ANO2: variants seen among roughly 807,000 people sequenced by gnomAD.
ANO2 encodes anoctamin 2, also known as anoctamin-2.
In ANO2, 101 loss-of-function variants were observed where a neutral mutation model predicts 124.2. That is an observed-to-expected ratio of 0.81 (90% CI 0.69 to 0.96). The LOEUF (loss-of-function observed/expected upper bound fraction) is 0.96. Ranked by LOEUF, ANO2 falls within the 40% of genes least tolerant of loss-of-function variation. The probability of loss-of-function intolerance (pLI) is 0.00; values close to 1 mark genes in which losing one functional copy is unlikely to be tolerated. For missense variants in ANO2, 1,293 were observed against 1,274.5 expected, an observed-to-expected ratio of 1.01 and a Z score of -0.22; for synonymous variants, 486 against 482.5, an observed-to-expected ratio of 1.01 and a Z score of -0.09.
At chr12:5,603,944 CAAAAAA>C (rs63415160) in intron 19 of ANO2, among the ~76,000 whole-genome samples, 3 of 74,148 alleles carry the variant, frequency 4.0e-5, no homozygotes, top group Admixed American at 1.7e-4. Flanking sequence ...GATTCCGTCT[CAAAAAA>C]AAAAAAAAAA....
chr12:5,609,445 G>C (rs1235836413), intron 19 of ANO2, among the ~76,000 whole-genome samples: 1 of 152,062 alleles, frequency 6.6e-6, no homozygotes, highest in African/African-American at 2.4e-5. Flanking sequence ...GTGTTAGAAG[G>C]GAATGTTGTG....
At chr12:5,745,172 G>T (rs1349926346) in intron 11 of ANO2, among the ~76,000 whole-genome samples, 2 of 152,154 alleles carry the variant, frequency 1.3e-5, no homozygotes, top group African/African-American at 4.8e-5. Context: ...TGAATGCTTG[G>T]AAATAAGAAC....
chr12:5,760,335 T>C lies in ANO2; in HGVS notation c.1056-9365A>G, dbSNP rs142672692. 3.5e-3 allele frequency among the ~76,000 whole-genome samples: 536 copies of C among 152,302 alleles called. 7 individuals are homozygous for C. Among genetic ancestry groups the C allele is most frequent in the African/African-American group, 0.012 (512 of 41,576 alleles). ...ATGCAATCTACCAAGGAGCAATATATTTCATTTCTCAAAAGCCTGTGAGAT... is the reference window on the plus strand; with the variant it reads ...ATGCAATCTACCAAGGAGCAATATACTTCATTTCTCAAAAGCCTGTGAGAT... On this transcript the variant is annotated intron_variant, in intron 10 of 24. Transcript: ENST00000682330.
intron 1 of ANO2, among the ~76,000 whole-genome samples, chr12:5,927,882 G>T (rs1222872969): frequency 6.6e-6 from 1 of 152,156 alleles, no homozygotes; most frequent in Admixed American, 6.5e-5. Context: ...TCACTGCATA[G>T]GCCGAGAGCT....
intron 20 of ANO2, among the ~76,000 whole-genome samples, chr12:5,581,742 G>T (rs922574721): frequency 7.9e-5 from 12 of 152,150 alleles, no homozygotes. Context: ...GGCCTCAAGA[G>T]ACTGGGCTCA....
chr12:5,584,357 C>T (rs1316321219), intron 20 of ANO2, among the ~76,000 whole-genome samples: 1 of 152,152 alleles, frequency 6.6e-6, no homozygotes, highest in Non-Finnish European at 1.5e-5. Context: ...AAACTCACAC[C>T]CAGCTTCCTT....
chr12:5,858,803 T>C (rs1184177027), intron 3 of ANO2: 1 of 152,218 alleles, frequency 6.6e-6, no homozygotes, highest in African/African-American at 2.4e-5. Flanking sequence ...TGAAACTTCT[T>C]CTGTATTCTT....
intron 14 of ANO2, among the ~76,000 whole-genome samples, chr12:5,661,856 C>T (rs1947460183): frequency 6.6e-6 from 1 of 152,204 alleles, no homozygotes; most frequent in Admixed American, 6.5e-5. Context: ...TGCTCCAGGG[C>T]CTGTATTCCT....
chr12:5,759,170 CA>C (rs200710911), intron 10 of ANO2, among the ~76,000 whole-genome samples: 2,315 of 137,366 alleles, frequency 0.017, 58 homozygotes, highest in African/African-American at 0.053. Flanking sequence ...AAAAAAACAA[CA>C]AAACACAAAT....
At chr12:5,564,040 C>T (rs1300718446) in intron 24 of ANO2, among the ~76,000 whole-genome samples, 1 of 152,218 alleles carries the variant, frequency 6.6e-6, no homozygotes, top group African/African-American at 2.4e-5. Context: ...TTCCTCTCCT[C>T]CCTCCATCTG....
chr12:5,761,028 C>T (rs866766226), intron 10 of ANO2, among the ~76,000 whole-genome samples: 6 of 141,302 alleles, frequency 4.2e-5, no homozygotes, highest in Middle Eastern at 3.6e-3. Flanking sequence ...TCATCAGCTC[C>T]AGGACGTCCC....
chr12:5,946,211 A>C, upstream of ANO2: 1 of 1,608,570 alleles, frequency 6.2e-7, no homozygotes, highest in East Asian at 2.2e-5. The surrounding 1 kb of genome is among the most constrained non-coding windows in gnomAD (Gnocchi z 4.1). Flanking sequence ...GATAGATCCC[A>C]CTTTATAGAG....
intron 1 of ANO2, among the ~76,000 whole-genome samples, chr12:5,940,897 C>T (rs6489677): frequency 0.4 from 61,260 of 151,926 alleles, 13,272 homozygotes; most frequent in East Asian, 0.79. Flanking sequence ...AGCCTATCCA[C>T]CCAAGGAAAT....
chr12:5,855,380 C>A (rs1955067012), intron 3 of ANO2, among the ~76,000 whole-genome samples: 1 of 152,152 alleles, frequency 6.6e-6, no homozygotes, highest in East Asian at 1.9e-4. Flanking sequence ...TATTTTATGG[C>A]ACTTATTAAT....
intron 1 of ANO2, among the ~76,000 whole-genome samples, chr12:5,932,167 GT>G (rs1942429126): frequency 1.3e-5 from 2 of 149,366 alleles, no homozygotes; most frequent in Admixed American, 6.6e-5. Context: ...AGGCAGACGA[GT>G]AAGGAAAGAA....
chr12:5,772,847 T>A (rs1952122480), intron 10 of ANO2, among the ~76,000 whole-genome samples: 1 of 152,240 alleles, frequency 6.6e-6, no homozygotes. Context: ...ATAATATGGA[T>A]GTTAATAGCC....
At chr12:5,939,523 T>C (rs1246362812) in intron 1 of ANO2, among the ~76,000 whole-genome samples, 1 of 152,160 alleles carries the variant, frequency 6.6e-6, no homozygotes, top group African/African-American at 2.4e-5. Context: ...TCTGTTAGGT[T>C]GGTGGAAATT....
chr12:5,587,717 C>T (rs940455104), intron 20 of ANO2, among the ~76,000 whole-genome samples: 9 of 152,152 alleles, frequency 5.9e-5, no homozygotes, highest in Admixed American at 1.3e-4. Context: ...AAGCCAGCTG[C>T]TACCCTCCCA....
At chr12:5,760,057 T>C (rs2078506) in intron 10 of ANO2, among the ~76,000 whole-genome samples, 152,321 of 152,358 alleles carry the variant, frequency 1, 76,142 homozygotes, top group Non-Finnish European at 1. Context: ...AATTCACTAC[T>C]TAAAGTATGC....
Sources: allele counts gnomAD v4.1 joint callset (sites outside exome capture counted in the v4.1 genomes callset), GRCh38; gene constraint gnomAD v4.1.1; non-coding constraint Gnocchi (gnomAD v3.1); transcripts MANE v1.5; gene names NCBI Gene and HGNC (gene_info 2026-07-23, HGNC 2026-07-21).